The following ELAPOR1 variants were observed in gnomAD, a reference collection of about 807,000 sequenced individuals.
ELAPOR1 encodes endosome-lysosome associated apoptosis and autophagy regulator 1, also known as endosome/lysosome-associated apoptosis and autophagy regulator 1.
A neutral mutation model predicts 119.7 loss-of-function variants in ELAPOR1; 77 were observed. The observed-to-expected ratio is 0.64, with a 90% CI of 0.54 to 0.78. ELAPOR1 has a LOEUF of 0.78. ELAPOR1 is among the 30% of genes least tolerant of loss of function. The probability of loss-of-function intolerance (pLI) is 0.00; values close to 1 mark genes in which losing one functional copy is unlikely to be tolerated. For missense variants in ELAPOR1, 1,115 were observed against 1,270.4 expected (o/e 0.88, Z 1.86); for synonymous variants, 481 against 487.2 (o/e 0.99, Z 0.17).
intron 1 of ELAPOR1, among the ~76,000 whole-genome samples, chr1:109,134,147 A>G (rs538851595): frequency 3.3e-5 from 5 of 152,304 alleles, no homozygotes; most frequent in Admixed American, 2.6e-4. Context: ...AAGTGAACTT[A>G]GGCAAATGGC....
rs142098827 is a variant in ELAPOR1, at chr1:109,146,109, C to T, written c.154-15785C>T. Among the ~76,000 whole-genome samples the T allele has an allele frequency of 1.5e-3, 225 of 152,080 alleles. 5 individuals are homozygous for T. The South Asian group carries it at 0.027, about 18-fold the overall frequency. On this transcript the variant is annotated intron_variant, in intron 1 of 21. Transcript: ENST00000369939. Reference sequence around the variant, plus strand: ...GGTGAAACACTTGAGCTCAGGAATTCGAGACCAGCCTGGGCAACATGGCAA... The same window carrying T: ...GGTGAAACACTTGAGCTCAGGAATTTGAGACCAGCCTGGGCAACATGGCAA...
intron 1 of ELAPOR1, among the ~76,000 whole-genome samples, chr1:109,154,299 A>AAAAAG (rs1558035824): frequency 2.7e-4 from 41 of 150,530 alleles, no homozygotes; most frequent in African/African-American, 9.8e-4. Context: ...AAAAAAAAAA[A>AAAAAG]AAAAGAAAAG....
intron 1 of ELAPOR1, among the ~76,000 whole-genome samples, chr1:109,158,068 A>G (rs1018379978): frequency 3.3e-5 from 5 of 152,128 alleles, no homozygotes; most frequent in Admixed American, 3.3e-4. Context: ...TTGTATGTTT[A>G]GTAGAGACGG....
chr1:109,173,372 C>A, intron 5 of ELAPOR1, 102 bp from the exon 6 acceptor site: 1 of 913,902 alleles, frequency 1.1e-6, no homozygotes, highest in Non-Finnish European at 1.7e-6. Context: ...AGAAGCATTA[C>A]CATGCAGTTA....
chr1:109,177,693 A>G (rs1558053697), intron 7 of ELAPOR1, among the ~76,000 whole-genome samples: 1 of 152,016 alleles, frequency 6.6e-6, no homozygotes, highest in Non-Finnish European at 1.5e-5. Flanking sequence ...TTTATCTGTA[A>G]GTCTAGATTC....
intron 20 of ELAPOR1, among the ~76,000 whole-genome samples, 170 bp downstream of exon 20, chr1:109,200,407 C>T (rs1005837647): frequency 6.6e-6 from 1 of 152,128 alleles, no homozygotes; most frequent in Admixed American, 6.5e-5. Context: ...GATGGTACCA[C>T]GTGGCAGTCT....
At chr1:109,150,467 C>T (rs994970854) in intron 1 of ELAPOR1, among the ~76,000 whole-genome samples, 12 of 152,138 alleles carry the variant, frequency 7.9e-5, no homozygotes, top group South Asian at 2.1e-4. Flanking sequence ...TTTGCTTCTT[C>T]GACTGCTGCT....
chr1:109,165,607 C>G (rs886279208), intron 3 of ELAPOR1, among the ~76,000 whole-genome samples: 8 of 148,300 alleles, frequency 5.4e-5, no homozygotes, highest in South Asian at 2.2e-4. Context: ...AAAAGAAAAA[C>G]AAAAACAAAA....
intron 1 of ELAPOR1, among the ~76,000 whole-genome samples, chr1:109,142,978 C>G (rs910716996): frequency 9.3e-5 from 14 of 150,140 alleles, no homozygotes; most frequent in African/African-American, 3.4e-4. Flanking sequence ...TTGAAGCAGT[C>G]TCGCTCTGTC....
At chr1:109,189,809 G>C in intron 11 of ELAPOR1, 127 bp downstream of exon 11, 5 of 727,310 alleles carry the variant, frequency 6.9e-6, no homozygotes, top group Non-Finnish European at 2.4e-6. Context: ...TGTCAGTTGA[G>C]AACAGAGGGT....
intron 7 of ELAPOR1, among the ~76,000 whole-genome samples, chr1:109,182,844 GC>G (rs1377881937): frequency 1.9e-4 from 27 of 145,574 alleles, no homozygotes; most frequent in Non-Finnish European, 3.4e-4. Context: ...TCCAGCCTGG[GC>G]AACAGAGCAA....
chr1:109,202,973 G>A lies in ELAPOR1; in HGVS notation c.3003G>A (p.Pro1001=), dbSNP rs376729293. 1.6e-5 allele frequency: 26 copies of A among 1,613,318 alleles called. No individual in the cohort carries two copies. Among genetic ancestry groups the A allele is most frequent in the African/African-American group, 4.0e-5 (3 of 74,880 alleles). The change falls in exon 22 of 22, where the codon CCG becomes CCA. Residue 1001 remains proline (P), a synonymous_variant. Transcript: ENST00000369939. ...KRTPDGFDSV[P]LKTSSGGLDM... is the part of the protein sequence containing the mutation. Reference sequence around the variant, plus strand: ...CTCCTGATGGATTTGACTCAGTGCCGCTGAAGACATCCTCAGGAGGCCTAG... The same window carrying A: ...CTCCTGATGGATTTGACTCAGTGCCACTGAAGACATCCTCAGGAGGCCTAG...
At chr1:109,115,636 T>C (rs1388973633) in intron 1 of ELAPOR1, among the ~76,000 whole-genome samples, 1 of 152,158 alleles carries the variant, frequency 6.6e-6, no homozygotes, top group African/African-American at 2.4e-5. Flanking sequence ...CCATCCCATA[T>C]GGAGATAAAT....
intron 1 of ELAPOR1, among the ~76,000 whole-genome samples, chr1:109,118,159 A>G (rs1381178756): frequency 3.3e-5 from 5 of 152,000 alleles, no homozygotes; most frequent in Non-Finnish European, 5.9e-5. Context: ...AAGAAAGAAA[A>G]TTAATTCAAA....
chr1:109,182,289 C>G (rs1379285363), intron 7 of ELAPOR1, among the ~76,000 whole-genome samples: 1 of 151,832 alleles, frequency 6.6e-6, no homozygotes, highest in Non-Finnish European at 1.5e-5. Flanking sequence ...GAGGTGGCAC[C>G]ACTGCACTCC....
intron 1 of ELAPOR1, among the ~76,000 whole-genome samples, chr1:109,118,906 T>TC (rs1262258012): frequency 6.7e-6 from 1 of 148,456 alleles, no homozygotes; most frequent in African/African-American, 2.5e-5. Context: ...TCTTCTTTTT[T>TC]TTTTTTTTTG....
chr1:109,116,557 A>T (rs1383221088), intron 1 of ELAPOR1, among the ~76,000 whole-genome samples: 1 of 152,178 alleles, frequency 6.6e-6, no homozygotes, highest in African/African-American at 2.4e-5. Flanking sequence ...CAAAACAATC[A>T]GGGAGAGAAT....
At chr1:109,183,606 T>C (rs760032473) in intron 7 of ELAPOR1, among the ~76,000 whole-genome samples, 430 of 41,256 alleles carry the variant, frequency 0.01, 12 homozygotes, top group Middle Eastern at 0.028. Context: ...CCTTCCTTCC[T>C]TCCATCCTTC....
rs199660944 is a variant in ELAPOR1 at position 109,173,527 on chromosome 1, A to T, written c.750A>T (p.Ser250=). 1.5e-3 allele frequency: 2,484 copies of T among 1,614,240 alleles called. 48 individuals carry two copies. The South Asian group carries it at 0.024, about 16-fold the overall frequency. Residue 250 remains serine, a synonymous_variant, in exon 6 of 22, where the codon TCA becomes TCT. Transcript: ENST00000369939. ...TCTATTGGAGAACCACAGCCTTCTCAGTATGGACCAAAGTACCCAAGCCTG... is the reference window on the plus strand; with the variant it reads ...TCTATTGGAGAACCACAGCCTTCTCTGTATGGACCAAAGTACCCAAGCCTG... ...NVLYWRTTAF[S]VWTKVPKPVL...
Sources: gnomAD v4.1 joint callset for allele counts (sites outside exome capture counted in the v4.1 genomes callset) on GRCh38, gnomAD v4.1.1 for gene constraint, MANE v1.5 for transcripts, NCBI Gene and HGNC (gene_info 2026-07-23, HGNC 2026-07-21) for gene names.